PPARD: variants seen among roughly 807,000 people sequenced by gnomAD.
PPARD encodes the protein peroxisome proliferator-activated receptor delta.
In PPARD, 6 loss-of-function variants were observed where a neutral mutation model predicts 39.5. That is an observed-to-expected ratio of 0.15 (90% CI 0.08 to 0.30). The LOEUF (loss-of-function observed/expected upper bound fraction) is 0.30, where lower values mean the gene tolerates loss of function less well. Ranked by LOEUF, PPARD falls within the 10% of genes least tolerant of loss-of-function variation. The pLI, the probability that PPARD is intolerant of heterozygous loss-of-function variation, is 1.00. For synonymous variants in PPARD, 210 were observed against 231.3 expected (o/e 0.91, Z 0.83); for missense variants, 397 against 596.8 (o/e 0.67, Z 3.49).
In PPARD at chr6:35,412,974, G is replaced by A. The variant is rs569721914; in HGVS notation, c.130+1757G>A. Among the ~76,000 whole-genome samples the A allele has an allele frequency of 1.3e-5, 2 of 152,328 alleles. No homozygotes were observed. Among genetic ancestry groups the A allele is most frequent in the East Asian group, 3.9e-4 (2 of 5,184 alleles). ...TGGGGACTAAGAATGAGTGTGGGAT[G>A]TCATGAGGATTCAGGGGAGAATGCA... On this transcript the variant is annotated intron_variant, in intron 3 of 7. Coordinates refer to ENST00000360694, the MANE Select transcript of PPARD (RefSeq NM_006238.5). The surrounding 1 kb of genome is among the most constrained non-coding windows in gnomAD (Gnocchi z 4.1).
At chr6:35,375,324 TC>T (rs1487631508) in intron 2 of PPARD, among the ~76,000 whole-genome samples, 2 of 150,590 alleles carry the variant, frequency 1.3e-5, no homozygotes, top group Non-Finnish European at 3.0e-5. Context: ...TTCAAGTGAT[TC>T]TCCTGCCTCA....
chr6:35,387,985 G>A (rs374933622), intron 2 of PPARD, among the ~76,000 whole-genome samples: 2 of 148,970 alleles, frequency 1.3e-5, no homozygotes, highest in Non-Finnish European at 3.0e-5. Context: ...GCCTCCCAAA[G>A]TGCTGAGATT....
chr6:35,356,577 C>A (rs1308429926), intron 2 of PPARD, among the ~76,000 whole-genome samples: 1 of 152,226 alleles, frequency 6.6e-6, no homozygotes, highest in Admixed American at 6.5e-5. Context: ...AGCCCTAGCA[C>A]TGTAAACATG....
intron 2 of PPARD, among the ~76,000 whole-genome samples, chr6:35,355,296 A>G (rs926684657): frequency 2.6e-5 from 4 of 152,032 alleles, no homozygotes; most frequent in African/African-American, 9.7e-5. Context: ...CTAAAAATAC[A>G]AAAATTATCT....
At chr6:35,381,333 G>T (rs1435031342) in intron 2 of PPARD, among the ~76,000 whole-genome samples, 2 of 152,202 alleles carry the variant, frequency 1.3e-5, no homozygotes, top group African/African-American at 4.8e-5. Context: ...GGTCAGCGAT[G>T]AGTAATTTAA....
intron 3 of PPARD, among the ~76,000 whole-genome samples, chr6:35,415,141 A>T (rs1007623123): frequency 6.6e-6 from 1 of 152,160 alleles, no homozygotes; most frequent in Non-Finnish European, 1.5e-5. Flanking sequence ...CTTGGCAAGC[A>T]CTTGGTGGGC....
At chr6:35,346,583 G>C (rs1174001297) in intron 1 of PPARD, among the ~76,000 whole-genome samples, 3 of 152,174 alleles carry the variant, frequency 2.0e-5, no homozygotes, top group Non-Finnish European at 4.4e-5. Flanking sequence ...GGAGCCCTTG[G>C]AGCTTGCCTT....
chr6:35,392,802 C>G (rs1764091206), intron 2 of PPARD, among the ~76,000 whole-genome samples: 1 of 152,192 alleles, frequency 6.6e-6, no homozygotes, highest in Admixed American at 6.5e-5. Flanking sequence ...GCCCACCAAC[C>G]TGTCATCTTC....
At chr6:35,382,887 G>GTGT (rs1294903509) in intron 2 of PPARD, among the ~76,000 whole-genome samples, 1 of 152,206 alleles carries the variant, frequency 6.6e-6, no homozygotes, top group African/African-American at 2.4e-5. Flanking sequence ...CATTCAGTAT[G>GTGT]TGTTGTTGTT....
chr6:35,352,014 A>G (rs1761286234), intron 2 of PPARD, among the ~76,000 whole-genome samples: 1 of 149,236 alleles, frequency 6.7e-6, no homozygotes, highest in South Asian at 2.1e-4. Context: ...GACTACATGC[A>G]TGCACCATCA....
At chr6:35,385,820 C>T (rs1763615794) in intron 2 of PPARD, among the ~76,000 whole-genome samples, 2 of 152,084 alleles carry the variant, frequency 1.3e-5, no homozygotes, top group South Asian at 4.2e-4. Flanking sequence ...GTGTGGGATG[C>T]AGTCCCGGTG....
intron 2 of PPARD, among the ~76,000 whole-genome samples, chr6:35,347,559 C>T (rs1449102246): frequency 6.6e-6 from 1 of 151,616 alleles, no homozygotes. Flanking sequence ...AGATGGTGTC[C>T]ATCATTCTCT....
intron 2 of PPARD, among the ~76,000 whole-genome samples, chr6:35,371,784 C>T (rs899253357): frequency 1.3e-5 from 2 of 152,352 alleles, no homozygotes; most frequent in Admixed American, 6.5e-5. Context: ...ATGCTGCAGA[C>T]GTACATGAAC....
At chr6:35,391,347 G>A (rs1763989807) in intron 2 of PPARD, among the ~76,000 whole-genome samples, 1 of 152,234 alleles carries the variant, frequency 6.6e-6, no homozygotes, top group Admixed American at 6.5e-5. Flanking sequence ...GTTGCTAACA[G>A]TTTGGCGCAT....
chr6:35,404,936 C>CATGTGCA (rs1764929688), intron 2 of PPARD, among the ~76,000 whole-genome samples: 1 of 141,924 alleles, frequency 7.0e-6, no homozygotes, highest in Non-Finnish European at 1.5e-5. Context: ...ATGGGGGCTG[C>CATGTGCA]ATGTGCACTG....
At position 35,361,707 on chromosome 6, in the gene PPARD, C is replaced by T. The variant is rs78194111; in HGVS notation, c.-102+14557C>T. Among the ~76,000 whole-genome samples, 176 of 152,256 alleles carry T rather than the reference C, an allele frequency of 1.2e-3. No homozygotes were observed. The East Asian group carries it at 0.015, about 13-fold the overall frequency. ...GCAGGGCAGTGCAGCGAGGAATCTT[C>T]TGGCCTAAGGATGCCTGTAACCACC... On this transcript the variant is annotated intron_variant, in intron 2 of 7. Coordinates refer to ENST00000360694, the MANE Select transcript of PPARD (RefSeq NM_006238.5).
intron 3 of PPARD, among the ~76,000 whole-genome samples, chr6:35,417,269 G>A (rs1765831998): frequency 6.6e-6 from 1 of 151,944 alleles, no homozygotes; most frequent in Non-Finnish European, 1.5e-5. Flanking sequence ...CTCCCAAAGT[G>A]TTGGGATCAC....
At chr6:35,351,694 C>G (rs931357059) in intron 2 of PPARD, among the ~76,000 whole-genome samples, 1 of 151,928 alleles carries the variant, frequency 6.6e-6, no homozygotes, top group Admixed American at 6.6e-5. Flanking sequence ...GCTAGGACTA[C>G]AGGTATGTGC....
intron 2 of PPARD, among the ~76,000 whole-genome samples, chr6:35,398,972 G>A (rs758739454): frequency 5.3e-5 from 8 of 152,074 alleles, no homozygotes; most frequent in Admixed American, 3.3e-4. Context: ...AAAATTAGCC[G>A]GGCGTGGTGA....
Sources: allele counts gnomAD v4.1 joint callset (sites outside exome capture counted in the v4.1 genomes callset), GRCh38; gene constraint gnomAD v4.1.1; non-coding constraint Gnocchi (gnomAD v3.1); transcripts MANE v1.5; gene names NCBI Gene and HGNC (gene_info 2026-07-23, HGNC 2026-07-21).